Variants in NSD1 observed in about 807,000 individuals in gnomAD.
The protein encoded by NSD1 is nuclear receptor binding SET domain protein 1.
In NSD1, 26 loss-of-function variants were observed where a neutral mutation model predicts 242.7. The ratio of observed to expected loss-of-function variants is 0.11; its 90% CI spans 0.08 to 0.15. The LOEUF (loss-of-function observed/expected upper bound fraction) is 0.15, where lower values mean the gene tolerates loss of function less well. Ranked by LOEUF, NSD1 falls within the 10% of genes least tolerant of loss-of-function variation. NSD1 has a pLI of 1.00. For missense variants in NSD1, 2,495 were observed against 3,272.8 expected (o/e 0.76, Z 5.80); for synonymous variants, 1,106 against 1,178.1 (o/e 0.94, Z 1.25).
intron 5 of NSD1, among the ~76,000 whole-genome samples, chr5:177,222,763 C>T (rs1212269549): frequency 6.6e-6 from 1 of 152,032 alleles, no homozygotes; most frequent in Non-Finnish European, 1.5e-5. Flanking sequence ...ATATATGATG[C>T]AAGTATTTTC....
At position 177,294,484 on chromosome 5, in the gene NSD1, C is replaced by T. The variant is rs2127281398; in HGVS notation, c.7116C>T (p.Pro2372=). The T allele has an allele frequency of 6.2e-7, 1 of 1,614,208 alleles. No homozygotes were observed. The highest frequency in any genetic ancestry group is 1.3e-5 in the African/African-American group (1 of 75,054). The change falls in exon 23 of 23, where the codon CCC becomes CCT. Residue 2372 remains proline, a synonymous_variant. Coordinates refer to ENST00000439151, the MANE Select transcript of NSD1 (RefSeq NM_022455.5). ...CCATAGGTGCTGCCAGCCCAAGGCC[C>T]CAGTCACTGGAGAAAACCTCAGTTC... ...DKSIGAASPR[P]QSLEKTSVPT...
intron 4 of NSD1, among the ~76,000 whole-genome samples, chr5:177,206,210 G>C (rs1418348671): frequency 2.6e-5 from 4 of 152,140 alleles, no homozygotes; most frequent in African/African-American, 9.7e-5. Flanking sequence ...ATGTTGGCCA[G>C]GCTGGTCTCA....
Position 177,209,934 on chromosome 5 carries a change from A to G in NSD1, c.1535A>G (p.Lys512Arg), listed in dbSNP as rs769506882. 6 of 1,614,056 alleles carry G rather than the reference A, an allele frequency of 3.7e-6. No individual in the cohort carries two copies. Among genetic ancestry groups the G allele is most frequent in the Non-Finnish European group, 5.1e-6 (6 of 1,180,032 alleles). ...SSDNPKRTSV[K>R]KGHIQFEAHK... ...GATAATCCAAAAAGGACTAGTGTGA[A>G]AAAGGGCCACATACAATTTGAAGCA... is the stretch of plus-strand genomic sequence containing the variant. Residue 512 changes from lysine (K) to arginine (R), a missense_variant, in exon 5 of 23, where the codon AAA (lysine) becomes AGA (arginine). This residue lies in a region of NSD1 where 515 missense variants were observed against 467.0 expected (regional missense o/e 1.10). Transcript: ENST00000439151.
intron 2 of NSD1, among the ~76,000 whole-genome samples, chr5:177,172,438 A>G (rs1005387747): frequency 3.3e-5 from 5 of 152,190 alleles, no homozygotes; most frequent in Non-Finnish European, 7.3e-5. Flanking sequence ...TAAAGACTGA[A>G]TCTGATGAAT....
chr5:177,237,078 A>G (rs2149885498), intron 6 of NSD1, among the ~76,000 whole-genome samples: 1 of 152,274 alleles, frequency 6.6e-6, no homozygotes, highest in South Asian at 2.1e-4. Context: ...CCTGGGCTCC[A>G]GTGATCTTTC....
intron 14 of NSD1, chr5:177,266,398 T>C: frequency 3.1e-6 from 2 of 654,400 alleles, no homozygotes. Context: ...GATGCTTGTG[T>C]CCGAGCCCAC....
At chr5:177,201,150 G>A (rs1043580604) in intron 3 of NSD1, among the ~76,000 whole-genome samples, 2 of 152,242 alleles carry the variant, frequency 1.3e-5, no homozygotes, top group East Asian at 1.9e-4. Context: ...ACCTCCCAAA[G>A]TGCTGGGATT....
chr5:177,174,899 TCTCG>T (rs1179910840), intron 2 of NSD1, among the ~76,000 whole-genome samples: 2 of 95,860 alleles, frequency 2.1e-5, no homozygotes, highest in Non-Finnish European at 4.0e-5. Flanking sequence ...TTTGGGACAG[TCTCG>T]CTCTGTCACC....
chr5:177,266,170 A>C, intron 14 of NSD1: 2 of 1,069,498 alleles, frequency 1.9e-6, no homozygotes, highest in Non-Finnish European at 2.9e-6. Context: ...CACAGTGTTG[A>C]GCATGGACTC....
chr5:177,255,304 CAA>C (rs200548841), intron 12 of NSD1, among the ~76,000 whole-genome samples: 6 of 129,704 alleles, frequency 4.6e-5, no homozygotes, highest in Non-Finnish European at 8.3e-5. Flanking sequence ...GATTGAGTCT[CAA>C]AAAAAAAAAA....
At chr5:177,234,787 G>C (rs1027759851) in intron 5 of NSD1, among the ~76,000 whole-genome samples, 1 of 152,116 alleles carries the variant, frequency 6.6e-6, no homozygotes, top group African/African-American at 2.4e-5. Context: ...GATGACTTTA[G>C]AGGAAACATT....
At chr5:177,212,713 T>G (rs528828993) in intron 5 of NSD1, among the ~76,000 whole-genome samples, 1 of 152,238 alleles carries the variant, frequency 6.6e-6, no homozygotes, top group Non-Finnish European at 1.5e-5. Flanking sequence ...GATCCTAGGA[T>G]TTAAATCCAG....
chr5:177,154,856 C>T (rs138641466), intron 2 of NSD1, among the ~76,000 whole-genome samples: 1,576 of 150,150 alleles, frequency 0.01, 17 homozygotes, highest in African/African-American at 0.035. Flanking sequence ...CCACCATGCT[C>T]GGCTAATTTT....
chr5:177,290,283 T>A (rs1412173487), intron 21 of NSD1, among the ~76,000 whole-genome samples: 1 of 151,310 alleles, frequency 6.6e-6, no homozygotes, highest in Non-Finnish European at 1.5e-5. Flanking sequence ...TTAATTTTGA[T>A]ACAAAATAAA....
chr5:177,198,561 CTTAGTATAT>C (rs1762274632), intron 3 of NSD1, among the ~76,000 whole-genome samples: 1 of 152,112 alleles, frequency 6.6e-6, no homozygotes, highest in Non-Finnish European at 1.5e-5. Context: ...ATTTAGTATT[CTTAGTATAT>C]TTAGTGTATA....
rs1413155137 is a variant in NSD1, at chr5:177,248,232, G to A, written c.4549G>A (p.Glu1517Lys). Residue 1517 changes from glutamate (E) to lysine (K), a missense_variant, in exon 11 of 23, where the codon GAA becomes AAA. This residue lies in a region of NSD1 where 97 missense variants were observed against 97.7 expected (regional missense o/e 0.99). Coordinates refer to ENST00000439151, the MANE Select transcript of NSD1 (RefSeq NM_022455.5). ...TATSPKETVE[E>K]GVEHDPGMPA... ...CACAAGCCCCAAGGAGACTGTTGAG[G>A]AAGGTGTAGAACACGATCCCGGGAT... 2 of 1,614,062 alleles carry A rather than the reference G, an allele frequency of 1.2e-6. No homozygotes were observed. The highest frequency in any genetic ancestry group is 1.3e-5 in the African/African-American group (1 of 74,936).
chr5:177,251,888 A>G, intron 12 of NSD1, 35 bp downstream of exon 12: 1 of 1,613,758 alleles, frequency 6.2e-7, no homozygotes, highest in Non-Finnish European at 8.5e-7. Context: ...CCTCCAAAGA[A>G]AGTTTGAATT....
At chr5:177,250,085 A>G (rs1755814537) in intron 11 of NSD1, among the ~76,000 whole-genome samples, 1 of 152,206 alleles carries the variant, frequency 6.6e-6, no homozygotes, top group Admixed American at 6.5e-5. Context: ...CTATCTCACA[A>G]ATAATAAATA....
intron 16 of NSD1, among the ~76,000 whole-genome samples, chr5:177,270,768 G>A (rs897534761): frequency 1.3e-5 from 2 of 152,206 alleles, no homozygotes; most frequent in Non-Finnish European, 2.9e-5. Context: ...TTAGGGAATG[G>A]GAGTAATGTC....
Sources: allele counts gnomAD v4.1 joint callset (sites outside exome capture counted in the v4.1 genomes callset), GRCh38; gene constraint gnomAD v4.1.1; regional missense constraint gnomAD v4.1.1; transcripts MANE v1.5; gene names NCBI Gene and HGNC (gene_info 2026-07-23, HGNC 2026-07-21).